ITGA1: variants seen among roughly 807,000 people sequenced by gnomAD.
ITGA1 encodes the protein integrin alpha-1.
In ITGA1, 85 loss-of-function variants were observed where a neutral mutation model predicts 145.9. The ratio of observed to expected loss-of-function variants is 0.58; its 90% CI spans 0.49 to 0.70. ITGA1 has a LOEUF of 0.70. Ranked by LOEUF, ITGA1 falls within the 30% of genes least tolerant of loss-of-function variation. ITGA1 has a pLI of 0.00. For synonymous variants in ITGA1, 520 were observed against 495.3 expected (o/e 1.05, Z -0.66); for missense variants, 1,351 against 1,418.7 (o/e 0.95, Z 0.77).
rs1278594864 is a variant in ITGA1 at position 52,861,535 on chromosome 5, C to T, written c.271C>T (p.Pro91Ser). 2 of 1,612,612 alleles carry T rather than the reference C, an allele frequency of 1.2e-6. No homozygotes were observed. The highest frequency in any genetic ancestry group is 2.2e-5 in the East Asian group (1 of 44,840). The change falls in exon 3 of 29, where the codon CCT becomes TCT. Residue 91 changes from proline to serine, a missense_variant. By Grantham distance (74) the Pro-to-Ser change is moderately conservative (BLOSUM62 -1). Coordinates refer to ENST00000282588, the MANE Select transcript of ITGA1 (RefSeq NM_181501.2). Reference protein sequence around the residue: ...KCPVGRGESLPCVKLDLPVNT... With the variant: ...KCPVGRGESLSCVKLDLPVNT... ...TCCAGTTGGGAGAGGTGAATCATTA[C>T]CTTGTGTAAAGTTGGATCTACCAGG...
At chr5:52,829,766 G>C (rs573456495) in intron 1 of ITGA1, among the ~76,000 whole-genome samples, 1 of 151,792 alleles carries the variant, frequency 6.6e-6, no homozygotes. Context: ...ACATTTTTTT[G>C]TGTGTGTTCA....
Position 52,881,883 on chromosome 5 carries a change from T to G in ITGA1, c.635T>G (p.Val212Gly), listed in dbSNP as rs1459565100. The change falls in exon 7 of 29, where the codon GTA becomes GGA. Residue 212 changes from valine to glycine, a missense_variant. Val to Gly is a moderately radical substitution (Grantham distance 109). Transcript: ENST00000282588. ...GGCTTGGTATTTCAGGTTGGAATTG[T>G]ACAGTATGGAGAAAACGTGACCCAT... Reference protein sequence around the residue: ...IGPKQTQVGIVQYGENVTHEF... With the variant: ...IGPKQTQVGIGQYGENVTHEF... 1 of 1,612,708 alleles carries G rather than the reference T, an allele frequency of 6.2e-7. No individual in the cohort carries two copies. The highest frequency in any genetic ancestry group is 2.2e-5 in the East Asian group (1 of 44,870).
At chr5:52,835,804 G>C (rs1236517637) in intron 1 of ITGA1, among the ~76,000 whole-genome samples, 1 of 152,128 alleles carries the variant, frequency 6.6e-6, no homozygotes, top group Non-Finnish European at 1.5e-5. Flanking sequence ...CAACTTAAAA[G>C]CAAGGAGTTG....
intron 20 of ITGA1, among the ~76,000 whole-genome samples, chr5:52,929,344 A>G (rs1301333563): frequency 2.0e-5 from 3 of 152,198 alleles, no homozygotes; most frequent in Non-Finnish European, 4.4e-5. Flanking sequence ...CCATCTCCTA[A>G]TATCATCACA....
intron 1 of ITGA1, among the ~76,000 whole-genome samples, chr5:52,795,148 C>T (rs528734204): frequency 6.6e-6 from 1 of 151,730 alleles, no homozygotes; most frequent in African/African-American, 2.4e-5. Context: ...AATTAATAAC[C>T]ATTAATTTTT....
intron 6 of ITGA1, among the ~76,000 whole-genome samples, chr5:52,878,961 C>CAAAA (rs33911483): frequency 7.7e-6 from 1 of 130,632 alleles, no homozygotes. Flanking sequence ...GTCTAAGTAC[C>CAAAA]AAAAAAAAAA....
chr5:52,908,916 A>C lies in ITGA1; in HGVS notation c.1474A>C (p.Ser492Arg). 6 of 1,613,816 alleles carry C rather than the reference A, an allele frequency of 3.7e-6. No individual in the cohort carries two copies. The highest frequency in any genetic ancestry group is 5.1e-6 in the Non-Finnish European group (6 of 1,179,826). Reference sequence around the variant, plus strand: ...GTCCTAGATTGGTTCCTACTTTGGCAGTATTTTAACAACAACTGACATTGA... The same window carrying C: ...GTCCTAGATTGGTTCCTACTTTGGCCGTATTTTAACAACAACTGACATTGA... ...SGEQIGSYFG[S>R]ILTTTDIDKD... The change falls in exon 13 of 29, where the codon AGT (serine) becomes CGT (arginine). Residue 492 changes from serine to arginine, a missense_variant. Ser to Arg is a moderately radical substitution (Grantham distance 110). Transcript: ENST00000282588.
intron 22 of ITGA1, 116 bp from the exon 23 acceptor site, chr5:52,933,778 T>G: frequency 2.4e-6 from 1 of 423,052 alleles, no homozygotes; most frequent in Non-Finnish European, 4.3e-6. Flanking sequence ...CCCCTATGAT[T>G]TGAAATCCCT....
In ITGA1 at chr5:52,929,683, T is replaced by C. The variant is rs372188533; in HGVS notation, c.2753T>C (p.Ile918Thr). The C allele has an allele frequency of 3.5e-5, 56 of 1,585,958 alleles. No individual in the cohort carries two copies. The highest frequency in any genetic ancestry group is 4.6e-5 in the Non-Finnish European group (53 of 1,157,734). Residue 918 changes from isoleucine (I) to threonine (T), a missense_variant, in exon 21 of 29, where the codon ATT becomes ACT. Coordinates refer to ENST00000282588, the MANE Select transcript of ITGA1 (RefSeq NM_181501.2). Reference protein sequence around the residue: ...NTSYLMENVTIYLSATSDSEE... With the variant: ...NTSYLMENVTTYLSATSDSEE... ...TCCTATCTCATGGAAAATGTGACCA[T>C]TTATTTAAGTGCAACAAGGTTGGTT...
At position 52,916,091 on chromosome 5, in the gene ITGA1, C is replaced by T. The variant is rs76886193; in HGVS notation, c.1988+497C>T. On this transcript the variant is annotated intron_variant, in intron 15 of 28. Coordinates refer to ENST00000282588, the MANE Select transcript of ITGA1 (RefSeq NM_181501.2). Reference sequence around the variant, plus strand: ...AAAATGCCTAAATCCCCAAATTGGCCCAGTTCTTTCAGATACATACATTCA... The same window carrying T: ...AAAATGCCTAAATCCCCAAATTGGCTCAGTTCTTTCAGATACATACATTCA... 2.0e-5 allele frequency among the ~76,000 whole-genome samples: 3 copies of T among 151,998 alleles called. No individual in the cohort carries two copies. The East Asian group carries it at 5.8e-4, about 29-fold the overall frequency.
chr5:52,870,301 ATC>A (rs1740208116), intron 6 of ITGA1, among the ~76,000 whole-genome samples: 6 of 152,214 alleles, frequency 3.9e-5, no homozygotes, highest in Admixed American at 3.9e-4. Flanking sequence ...TATGTATTCT[ATC>A]TCTGTTTCTG....
At chr5:52,920,615 A>T (rs375881788) in intron 17 of ITGA1, 147 bp downstream of exon 17, 2 of 675,036 alleles carry the variant, frequency 3.0e-6, no homozygotes, top group African/African-American at 3.8e-5. Flanking sequence ...CATTTTTATC[A>T]TAAAATCGCA....
At position 52,849,470 on chromosome 5, in the gene ITGA1, A is replaced by G. The variant is rs1403676751; in HGVS notation, c.167A>G (p.Asn56Ser). 12 of 1,603,390 alleles carry G rather than the reference A, an allele frequency of 7.5e-6. No individual in the cohort carries two copies. Among genetic ancestry groups the G allele is most frequent in the African/African-American group, 2.7e-5 (2 of 74,778 alleles). Residue 56 changes from asparagine (N) to serine (S), a missense_variant, in exon 2 of 29, where the codon AAT becomes AGT. Asn to Ser is a conservative substitution (Grantham distance 46). Coordinates refer to ENST00000282588, the MANE Select transcript of ITGA1 (RefSeq NM_181501.2). The stretch of plus-strand genomic sequence containing the variant: ...GGATATACTGTTCAACAATATGAAA[A>G]TGAAGAAGGAAAATGGTAAGCCAGT... ...MFGYTVQQYENEEGKWVLIGS... is the reference protein window; with the variant it reads ...MFGYTVQQYESEEGKWVLIGS...
chr5:52,814,105 C>A (rs1032270307), intron 1 of ITGA1, among the ~76,000 whole-genome samples: 1 of 152,134 alleles, frequency 6.6e-6, no homozygotes, highest in South Asian at 2.1e-4. Flanking sequence ...GATTTCACTT[C>A]TTTTTAGTCT....
chr5:52,880,445 CTTAT>C (rs1470404509), intron 6 of ITGA1, among the ~76,000 whole-genome samples: 1 of 152,152 alleles, frequency 6.6e-6, no homozygotes, highest in Non-Finnish European at 1.5e-5. Flanking sequence ...TTGGGCTTCT[CTTAT>C]TTGTTTCTAA....
intron 1 of ITGA1, among the ~76,000 whole-genome samples, chr5:52,809,502 CTTTTTTTTTT>C (rs59067853): frequency 1.6e-5 from 2 of 122,438 alleles, no homozygotes; most frequent in Non-Finnish European, 3.4e-5. Flanking sequence ...CTCAACTTTA[CTTTTTTTTTT>C]TTTTTTTTTG....
intron 1 of ITGA1, among the ~76,000 whole-genome samples, chr5:52,822,478 C>T (rs924727083): frequency 2.0e-5 from 3 of 152,214 alleles, no homozygotes; most frequent in Non-Finnish European, 4.4e-5. Flanking sequence ...CAATCTCAAA[C>T]TCATAGAGGC....
At chr5:52,844,331 C>T (rs571170099) in intron 1 of ITGA1, among the ~76,000 whole-genome samples, 34 of 152,286 alleles carry the variant, frequency 2.2e-4, no homozygotes, top group African/African-American at 7.7e-4. Flanking sequence ...GTAGAAAAGT[C>T]TTCTCCCCAA....
At chr5:52,910,716 GTA>G (rs1750494813) in intron 14 of ITGA1, among the ~76,000 whole-genome samples, 1 of 144,016 alleles carries the variant, frequency 6.9e-6, no homozygotes, top group Admixed American at 7.0e-5. Context: ...ACTATATATG[GTA>G]TATATAGTGT....
Sources: allele counts gnomAD v4.1 joint callset (sites outside exome capture counted in the v4.1 genomes callset), GRCh38; gene constraint gnomAD v4.1.1; transcripts MANE v1.5; gene names NCBI Gene and HGNC (gene_info 2026-07-23, HGNC 2026-07-21).